The following NEXMIF variants were observed in gnomAD, a reference collection of about 807,000 sequenced individuals.
NEXMIF encodes XLMR protein related to neurite extension.
Under a neutral mutation model 62.1 loss-of-function variants are expected in NEXMIF, and 8 were observed. The ratio of observed to expected loss-of-function variants is 0.13; its 90% CI spans 0.08 to 0.23. NEXMIF has a LOEUF of 0.23. Among genes scored for constraint, NEXMIF ranks in the 10% least tolerant of loss-of-function variants. The probability of loss-of-function intolerance (pLI) is 1.00; values close to 1 mark genes in which losing one functional copy is unlikely to be tolerated. For missense variants in NEXMIF, 976 were observed against 1,113.3 expected, an observed-to-expected ratio of 0.88 and a Z score of 1.75; for synonymous variants, 404 against 416.6, an observed-to-expected ratio of 0.97 and a Z score of 0.37.
chrX:74,873,450 T>A (rs1014649996), intron 1 of NEXMIF, among the ~76,000 whole-genome samples: 13 of 112,079 alleles, frequency 1.2e-4, no homozygotes, highest in African/African-American at 4.2e-4. Context: ...ACAATAAACA[T>A]ACGTGTGCAA....
chrX:74,749,357 T>G (rs1011681754), intron 1 of NEXMIF, among the ~76,000 whole-genome samples: 18 of 110,860 alleles, frequency 1.6e-4, no homozygotes, highest in South Asian at 1.2e-3. Context: ...CAGTCTATCT[T>G]CTAAACAACT....
intron 1 of NEXMIF, among the ~76,000 whole-genome samples, chrX:74,835,103 C>T (rs1376556691): frequency 8.9e-6 from 1 of 112,104 alleles, no homozygotes; most frequent in East Asian, 2.8e-4. Context: ...TGCATTCATT[C>T]TTCAGTACGT....
chrX:74,797,616 A>C (rs757701079), intron 1 of NEXMIF, among the ~76,000 whole-genome samples: 19 of 110,074 alleles, frequency 1.7e-4, no homozygotes, highest in Non-Finnish European at 1.5e-4. Context: ...ACCATTATCT[A>C]ACTGTGTGAC....
rs1268182812 is a variant in NEXMIF, at chrX:74,741,884, G to C, written c.2673C>G (p.Asn891Lys). The C allele has an allele frequency of 8.3e-7, 1 of 1,210,279 alleles. No homozygotes were observed. Among genetic ancestry groups the C allele is most frequent in the Non-Finnish European group, 1.1e-6 (1 of 895,159 alleles). ...ESSNYRNVWPNKATSGTQEFM... is the reference protein window; with the variant it reads ...ESSNYRNVWPKKATSGTQEFM... ...ATTCCTGGGTGCCAGAAGTAGCCTT[G>C]TTGGGCCACACATTTCTATAGTTGC... is the stretch of plus-strand genomic sequence containing the variant. The change falls in exon 3 of 4, where the codon AAC (asparagine) becomes AAG (lysine). Residue 891 changes from asparagine (N) to lysine (K), a missense_variant. Transcript: ENST00000055682.
At chrX:74,805,396 G>T (rs1454732191) in intron 1 of NEXMIF, among the ~76,000 whole-genome samples, 1 of 111,925 alleles carries the variant, frequency 8.9e-6, no homozygotes, top group African/African-American at 3.2e-5. Flanking sequence ...GTTCCTTATA[G>T]ATTCTGAATT....
intron 1 of NEXMIF, among the ~76,000 whole-genome samples, chrX:74,847,158 A>G (rs1022988381): frequency 8.9e-6 from 1 of 111,992 alleles, no homozygotes; most frequent in African/African-American, 3.3e-5. Flanking sequence ...GCAATTTTCC[A>G]GGAATAAGAG....
intron 1 of NEXMIF, among the ~76,000 whole-genome samples, chrX:74,884,578 T>C (rs991953998): frequency 8.9e-6 from 1 of 111,936 alleles, no homozygotes; most frequent in Non-Finnish European, 1.9e-5. Context: ...AAGGAATCAA[T>C]TCAACAAGAA....
rs1185047060 is a variant in NEXMIF at position 74,794,343 on chromosome X, C to T, written c.-47-48646G>A. 3.8e-5 allele frequency among the ~76,000 whole-genome samples: 4 copies of T among 105,431 alleles called. No individual in the cohort carries two copies. The Admixed American group carries it at 4.1e-4, about 11-fold the overall frequency. 91.6% of individuals were successfully genotyped at this position (105,431 alleles called of 115,157 possible). ...AGGCAGTCTGCCCGTTCTCAGATCT[C>T]CAGCTGCGTGCTGGGAGAACCACTG... is the stretch of plus-strand genomic sequence containing the variant. On this transcript the variant is annotated intron_variant, in intron 1 of 3. Coordinates refer to ENST00000055682, the MANE Select transcript of NEXMIF (RefSeq NM_001008537.3).
chrX:74,882,415 G>A (rs140968510), intron 1 of NEXMIF, among the ~76,000 whole-genome samples: 1,628 of 112,119 alleles, frequency 0.015, 18 homozygotes, highest in Non-Finnish European at 0.021. Flanking sequence ...AGGGGTGACA[G>A]ACGGCACCTG....
chrX:74,749,215 C>T (rs73216274), intron 1 of NEXMIF, among the ~76,000 whole-genome samples: 1,454 of 110,913 alleles, frequency 0.013, 11 homozygotes, highest in South Asian at 0.033. Context: ...GAAGGCTTCA[C>T]TAAAAGCAGC....
intron 1 of NEXMIF, among the ~76,000 whole-genome samples, chrX:74,796,158 T>C (rs1293987761): frequency 1.9e-5 from 1 of 52,277 alleles, no homozygotes; most frequent in African/African-American, 6.1e-5. Context: ...TATATACATA[T>C]ATATTATATA....
intron 1 of NEXMIF, among the ~76,000 whole-genome samples, chrX:74,876,019 T>A (rs922905608): frequency 9.0e-6 from 1 of 111,648 alleles, no homozygotes; most frequent in Admixed American, 9.5e-5. Flanking sequence ...ATTTTCATTA[T>A]TTCTTGCCTT....
intron 1 of NEXMIF, among the ~76,000 whole-genome samples, chrX:74,853,719 GAA>G (rs2080524068): frequency 9.0e-6 from 1 of 110,659 alleles, no homozygotes; most frequent in Non-Finnish European, 1.9e-5. Flanking sequence ...AAAAGAGAGA[GAA>G]GACTCAAAAT....
intron 1 of NEXMIF, among the ~76,000 whole-genome samples, chrX:74,896,357 C>T (rs1186139757): frequency 1.8e-5 from 2 of 111,758 alleles, no homozygotes; most frequent in South Asian, 7.5e-4. Flanking sequence ...TTTCTCCATC[C>T]CACTCTGGCC....
chrX:74,845,967 A>AT (rs1244940273), intron 1 of NEXMIF, among the ~76,000 whole-genome samples: 1 of 112,102 alleles, frequency 8.9e-6, no homozygotes, highest in East Asian at 2.8e-4. Context: ...ATCAGCAGTG[A>AT]TTTAGTTACC....
intron 1 of NEXMIF, among the ~76,000 whole-genome samples, chrX:74,917,762 T>A (rs939949127): frequency 1.8e-5 from 2 of 111,303 alleles, no homozygotes; most frequent in Non-Finnish European, 3.8e-5. Flanking sequence ...GAGAAACAGA[T>A]GAAACAGAGA....
At chrX:74,881,059 G>A (rs746904147) in intron 1 of NEXMIF, among the ~76,000 whole-genome samples, 9 of 111,562 alleles carry the variant, frequency 8.1e-5, no homozygotes, top group South Asian at 3.8e-4. Flanking sequence ...GGCACTTCTC[G>A]CCAGATGTAT....
At chrX:74,905,350 A>G (rs1374867097) in intron 1 of NEXMIF, among the ~76,000 whole-genome samples, 1 of 111,812 alleles carries the variant, frequency 8.9e-6, no homozygotes, top group Non-Finnish European at 1.9e-5. Flanking sequence ...GGAAGAATAC[A>G]TACCAAGCTT....
intron 1 of NEXMIF, among the ~76,000 whole-genome samples, chrX:74,867,964 G>T (rs2080586216): frequency 9.0e-6 from 1 of 111,450 alleles, no homozygotes; most frequent in Non-Finnish European, 1.9e-5. Flanking sequence ...TTAAAAAGTG[G>T]GCAAAGAACA....
Sources: gnomAD v4.1 joint callset for allele counts (sites outside exome capture counted in the v4.1 genomes callset) on GRCh38, gnomAD v4.1.1 for gene constraint, MANE v1.5 for transcripts, NCBI Gene and HGNC (gene_info 2026-07-23, HGNC 2026-07-21) for gene names.